Variants in SEMA3A observed in about 807,000 individuals in gnomAD.
The protein encoded by SEMA3A is semaphorin 3A, also known as semaphorin-3A.
SEMA3A carries 29 observed loss-of-function variants against 97.9 expected under a neutral mutation model. The observed-to-expected ratio is 0.30, with a 90% CI of 0.22 to 0.40. The LOEUF (loss-of-function observed/expected upper bound fraction) is 0.40, where lower values mean the gene tolerates loss of function less well. Among genes scored for constraint, SEMA3A ranks in the 10% least tolerant of loss-of-function variants. SEMA3A has a pLI of 1.00. For missense variants in SEMA3A, 763 were observed against 951.3 expected (o/e 0.80, Z 2.60); for synonymous variants, 321 against 323.7 (o/e 0.99, Z 0.09).
chr7:84,101,180 A>G (rs1393502434), intron 4 of SEMA3A, among the ~76,000 whole-genome samples: 1 of 152,172 alleles, frequency 6.6e-6, no homozygotes, highest in Non-Finnish European at 1.5e-5. Flanking sequence ...CTGGCTTGTT[A>G]TAATTGCATG....
chr7:84,180,138 G>A (rs1353270626), intron 1 of SEMA3A, among the ~76,000 whole-genome samples: 7 of 150,068 alleles, frequency 4.7e-5, no homozygotes, highest in African/African-American at 1.7e-4. Flanking sequence ...TAGAGACAGG[G>A]TTTCTCCATA....
chr7:84,389,678 T>C (rs1004848198), intron 1 of SEMA3A, among the ~76,000 whole-genome samples: 4 of 152,128 alleles, frequency 2.6e-5, no homozygotes, highest in Non-Finnish European at 4.4e-5. Flanking sequence ...TAAGTAATTA[T>C]AGTTAGAAGC....
At chr7:84,430,691 G>C (rs2116317833) in intron 1 of SEMA3A, among the ~76,000 whole-genome samples, 1 of 151,982 alleles carries the variant, frequency 6.6e-6, no homozygotes, top group South Asian at 2.1e-4. Context: ...TTGGGAAACA[G>C]GTTGGCTGAG....
chr7:84,178,531 C>G (rs1363952427), intron 1 of SEMA3A, among the ~76,000 whole-genome samples: 2 of 152,066 alleles, frequency 1.3e-5, no homozygotes, highest in African/African-American at 4.8e-5. Context: ...CAAGGTCACA[C>G]AGAAAATTAG....
intron 3 of SEMA3A, among the ~76,000 whole-genome samples, chr7:84,302,438 T>C (rs1324029363): frequency 2.6e-5 from 4 of 152,172 alleles, no homozygotes; most frequent in Non-Finnish European, 4.4e-5. Flanking sequence ...CAAAACGTTT[T>C]TACATACCTC....
chr7:84,114,606 A>C (rs537255848), intron 3 of SEMA3A, among the ~76,000 whole-genome samples: 17 of 151,798 alleles, frequency 1.1e-4, no homozygotes, highest in African/African-American at 4.1e-4. Context: ...TAATTCCTGA[A>C]GTTAATCTGT....
chr7:84,207,062 T>A (rs1441950084), intron 3 of SEMA3A, among the ~76,000 whole-genome samples: 2 of 152,230 alleles, frequency 1.3e-5, no homozygotes, highest in East Asian at 1.9e-4. Flanking sequence ...TGTTTGGGCA[T>A]GTTTACACAT....
At position 83,959,770 on chromosome 7, in the gene SEMA3A, G is replaced by T. The variant is rs568307705; in HGVS notation, c.*1601C>A. 1 of 152,188 alleles carries T rather than the reference G, an allele frequency of 6.6e-6. No individual in the cohort carries two copies. Among genetic ancestry groups the T allele is most frequent in the Admixed American group, 6.6e-5 (1 of 15,264 alleles). 9.4% of individuals were successfully genotyped at this position (152,188 alleles called of 1,614,324 possible). A position where few individuals can be genotyped will look rare whatever the true frequency, so the allele number is the denominator to read the frequency against. On this transcript the variant is annotated 3_prime_UTR_variant, in exon 17 of 17. Transcript: ENST00000265362. ...CATTTTTGTGCATGATGAGGAACCTGGGGGAGGAGTCCTGAATAGGTGAGT... is the reference window on the plus strand; with the variant it reads ...CATTTTTGTGCATGATGAGGAACCTTGGGGAGGAGTCCTGAATAGGTGAGT...
chr7:84,248,164 A>G (rs915163753), intron 3 of SEMA3A, among the ~76,000 whole-genome samples: 1 of 152,212 alleles, frequency 6.6e-6, no homozygotes, highest in African/African-American at 2.4e-5. Flanking sequence ...AAACATAATG[A>G]ATACTTAAAA....
chr7:84,486,286 G>T (rs1806572232), intron 1 of SEMA3A, among the ~76,000 whole-genome samples: 1 of 152,166 alleles, frequency 6.6e-6, no homozygotes, highest in Admixed American at 6.5e-5. Context: ...TACTTGGGAG[G>T]CCAAGGAAGG....
chr7:83,994,761 G>A (rs1018644107), intron 12 of SEMA3A, among the ~76,000 whole-genome samples: 2 of 151,544 alleles, frequency 1.3e-5, no homozygotes, highest in African/African-American at 4.8e-5. Context: ...GGTTACTGCT[G>A]TCTTTTTGTT....
At chr7:84,332,562 T>C (rs1327484209) in intron 2 of SEMA3A, among the ~76,000 whole-genome samples, 1 of 152,070 alleles carries the variant, frequency 6.6e-6, no homozygotes, top group Non-Finnish European at 1.5e-5. Context: ...AAGAAGCTAA[T>C]CCTTGTTTTC....
At chr7:84,450,082 T>C (rs1181771074) in intron 1 of SEMA3A, among the ~76,000 whole-genome samples, 1 of 152,224 alleles carries the variant, frequency 6.6e-6, no homozygotes, top group Non-Finnish European at 1.5e-5. Flanking sequence ...ACTTCAATTC[T>C]TTTGGATAAA....
At position 84,031,528 on chromosome 7, in the gene SEMA3A, T is replaced by C. The variant is rs546960836; in HGVS notation, c.667+14796A>G. The stretch of plus-strand genomic sequence containing the variant: ...AAAGCAAATACGTAATAATAACTTA[T>C]TGTTTTTTGTATTAAAGTGTCCTGG... On this transcript the variant is annotated intron_variant, in intron 6 of 16. Coordinates refer to ENST00000265362, the MANE Select transcript of SEMA3A (RefSeq NM_006080.3). Among the ~76,000 whole-genome samples the C allele has an allele frequency of 5.9e-5, 9 of 152,290 alleles. No homozygotes were observed. In the East Asian group the frequency reaches 1.2e-3, roughly 20 times the overall value.
chr7:83,989,978 T>C (rs1162804880), intron 12 of SEMA3A, among the ~76,000 whole-genome samples: 1 of 151,964 alleles, frequency 6.6e-6, no homozygotes, highest in Non-Finnish European at 1.5e-5. Context: ...CTCCAGCACC[T>C]GTTGTTTCCT....
intron 4 of SEMA3A, among the ~76,000 whole-genome samples, chr7:84,087,113 C>T (rs2527037): frequency 0.82 from 125,387 of 152,060 alleles, 51,869 homozygotes; most frequent in African/African-American, 0.89. Context: ...TGTATTATTC[C>T]TAATGAAAAT....
At chr7:84,389,594 G>A (rs899656466) in intron 1 of SEMA3A, among the ~76,000 whole-genome samples, 22 of 151,996 alleles carry the variant, frequency 1.4e-4, no homozygotes, top group African/African-American at 5.1e-4. Context: ...CCTGTACAGA[G>A]ATCCTAAACA....
chr7:84,433,338 G>C (rs2116323770), intron 1 of SEMA3A, among the ~76,000 whole-genome samples: 1 of 149,366 alleles, frequency 6.7e-6, no homozygotes, highest in African/African-American at 2.5e-5. Context: ...TTGGTTTTCT[G>C]TTCTTGTGTT....
intron 3 of SEMA3A, among the ~76,000 whole-genome samples, chr7:84,280,646 T>C (rs1800419083): frequency 1.3e-5 from 2 of 151,934 alleles, no homozygotes; most frequent in Non-Finnish European, 2.9e-5. Flanking sequence ...TAGCTGGGCA[T>C]AGTGGTGCAC....
Sources: gnomAD v4.1 joint callset for allele counts (sites outside exome capture counted in the v4.1 genomes callset) on GRCh38, gnomAD v4.1.1 for gene constraint, MANE v1.5 for transcripts, NCBI Gene and HGNC (gene_info 2026-07-23, HGNC 2026-07-21) for gene names.